The following CYP3A7 variants were observed in gnomAD, a reference collection of about 807,000 sequenced individuals.
CYP3A7 encodes the protein cytochrome P450 3A7.
Under a neutral mutation model 55.2 loss-of-function variants are expected in CYP3A7, and 45 were observed. The observed-to-expected ratio is 0.82, with a 90% CI of 0.64 to 1.05. CYP3A7 has a LOEUF of 1.05. Ranked by LOEUF, CYP3A7 falls within the 50% of genes least tolerant of loss-of-function variation. The probability of loss-of-function intolerance (pLI) is 0.00; values close to 1 mark genes in which losing one functional copy is unlikely to be tolerated. For missense variants in CYP3A7, 548 were observed against 605.3 expected (o/e 0.91, Z 0.99); for synonymous variants, 180 against 207.4 (o/e 0.87, Z 1.13).
In CYP3A7 at chr7:99,707,910, T is replaced by C. The variant is rs1211530514; in HGVS notation, c.1318A>G (p.Arg440Gly). 5.6e-6 allele frequency: 9 copies of C among 1,613,962 alleles called. No individual in the cohort carries two copies. Among genetic ancestry groups the C allele is most frequent in the Non-Finnish European group, 7.6e-6 (9 of 1,179,938 alleles). The change falls in exon 12 of 13, where the codon AGA becomes GGA. Residue 440 changes from arginine (R) to glycine (G), a missense_variant. Transcript: ENST00000336374. Reference protein sequence around the residue: ...YIYTPFGSGPRNCIGMRFALV... With the variant: ...YIYTPFGSGPGNCIGMRFALV... ...GCAAACCTCATGCCAATGCAGTTTC[T>C]GGGTCCACTTCCAAAGGGTGTGTAT...
chr7:99,714,242 T>C (rs1813853759), intron 8 of CYP3A7, among the ~76,000 whole-genome samples: 1 of 152,198 alleles, frequency 6.6e-6, no homozygotes, highest in Non-Finnish European at 1.5e-5. Context: ...CAAACAGTAA[T>C]GTTTATCCTT....
chr7:99,734,097 A>T (rs377401032), intron 1 of CYP3A7, among the ~76,000 whole-genome samples: 2 of 152,236 alleles, frequency 1.3e-5, no homozygotes, highest in East Asian at 3.8e-4. Context: ...TTTAAAAAGG[A>T]TGAATTTAAG....
intron 10 of CYP3A7, 94 bp downstream of exon 10, chr7:99,710,638 A>G: frequency 6.3e-7 from 1 of 1,596,320 alleles, no homozygotes; most frequent in Non-Finnish European, 8.5e-7. Context: ...AATCATGATT[A>G]TGCTTTTTAT....
At position 99,725,969 on chromosome 7, in the gene CYP3A7, G is replaced by T. The variant is rs570875943; in HGVS notation, c.166-3621C>A. On this transcript the variant is annotated intron_variant, in intron 2 of 12. Transcript: ENST00000336374. The stretch of plus-strand genomic sequence containing the variant: ...AACTCCCCAACTTTGGTGCCAAATT[G>T]GGCAACATTCTTTTATGCACTCCTT... 5.3e-5 allele frequency among the ~76,000 whole-genome samples: 8 copies of T among 152,104 alleles called. No individual in the cohort carries two copies. The South Asian group carries it at 1.7e-3, about 32-fold the overall frequency.
intron 9 of CYP3A7, among the ~76,000 whole-genome samples, chr7:99,711,126 C>T (rs1408007385): frequency 2.6e-5 from 4 of 152,186 alleles, no homozygotes; most frequent in Non-Finnish European, 4.4e-5. Flanking sequence ...ACCATCCGCT[C>T]CTCCTCGTGC....
intron 9 of CYP3A7, among the ~76,000 whole-genome samples, chr7:99,711,339 T>C (rs1175972962): frequency 1.3e-5 from 2 of 152,244 alleles, no homozygotes; most frequent in Non-Finnish European, 2.9e-5. Context: ...GCAACATTAA[T>C]GGCTAGATGT....
intron 1 of CYP3A7, among the ~76,000 whole-genome samples, chr7:99,734,428 T>C (rs1222303698): frequency 1.3e-5 from 2 of 152,148 alleles, no homozygotes; most frequent in Non-Finnish European, 2.9e-5. Flanking sequence ...TTTGGTAAGC[T>C]GGGTACAAAC....
At chr7:99,730,557 T>C (rs1210631247) in intron 2 of CYP3A7, 1 of 155,670 alleles carries the variant, frequency 6.4e-6, no homozygotes, top group Non-Finnish European at 1.4e-5. Flanking sequence ...CAGGTGCAAA[T>C]GACCCAATGG....
intron 6 of CYP3A7, among the ~76,000 whole-genome samples, chr7:99,716,767 A>G (rs1357736392): frequency 6.6e-6 from 1 of 152,192 alleles, no homozygotes; most frequent in African/African-American, 2.4e-5. Context: ...TGAAATGATC[A>G]AAGTTATTCT....
chr7:99,720,572 A>G, intron 3 of CYP3A7, 160 bp from the exon 4 acceptor site: 1 of 746,122 alleles, frequency 1.3e-6, no homozygotes, highest in Non-Finnish European at 2.2e-6. Flanking sequence ...ACTCACAGCA[A>G]GAGTCTGACA....
At chr7:99,709,961 T>A (rs1177024873) in intron 10 of CYP3A7, among the ~76,000 whole-genome samples, 1 of 152,182 alleles carries the variant, frequency 6.6e-6, no homozygotes, top group Non-Finnish European at 1.5e-5. Context: ...TCAGAGCATG[T>A]GATTTCAGTG....
Position 99,731,130 on chromosome 7 carries a change from G to T in CYP3A7, c.94C>A (p.Leu32Ile). Residue 32 changes from leucine to isoleucine, a missense_variant, in exon 2 of 13, where the codon CTT (leucine) becomes ATT (isoleucine). By Grantham distance (5) the Leu-to-Ile change is conservative. Coordinates refer to ENST00000336374, the MANE Select transcript of CYP3A7 (RefSeq NM_000765.5). Reference protein sequence around the residue: ...LYLYGTRTHGLFKKLGIPGPT... With the variant: ...LYLYGTRTHGIFKKLGIPGPT... Reference sequence around the variant, plus strand: ...CCTGGAATTCCAAGCTTCTTAAAAAGTCCATGTGTACGGGTTCCATATCTA... The same window carrying T: ...CCTGGAATTCCAAGCTTCTTAAAAATTCCATGTGTACGGGTTCCATATCTA... 1 of 1,613,872 alleles carries T rather than the reference G, an allele frequency of 6.2e-7. No individual in the cohort carries two copies. The highest frequency in any genetic ancestry group is 1.1e-5 in the South Asian group (1 of 91,066).
At chr7:99,708,041 G>A (rs2151500468) in intron 11 of CYP3A7, 67 bp from the exon 12 acceptor site, 1 of 1,610,692 alleles carries the variant, frequency 6.2e-7, no homozygotes, top group Non-Finnish European at 8.5e-7. Context: ...ACATGTTAGG[G>A]TTTCTTACTT....
intron 2 of CYP3A7, among the ~76,000 whole-genome samples, chr7:99,729,481 T>C (rs1814541285): frequency 6.6e-6 from 1 of 152,158 alleles, no homozygotes; most frequent in South Asian, 2.1e-4. Flanking sequence ...TTTTGTTTTA[T>C]TTTTCTTAAT....
At chr7:99,713,252 G>A (rs184603800) in intron 9 of CYP3A7, among the ~76,000 whole-genome samples, 83 of 152,296 alleles carry the variant, frequency 5.4e-4, no homozygotes, top group Middle Eastern at 3.4e-3. Flanking sequence ...TGGCATGCCA[G>A]TTTTCCTTAG....
intron 11 of CYP3A7, 73 bp downstream of exon 11, chr7:99,708,962 T>C: frequency 6.6e-7 from 1 of 1,517,476 alleles, no homozygotes; most frequent in Non-Finnish European, 9.2e-7. Flanking sequence ...AAGCCCAGAC[T>C]GTCCTGTAGA....
chr7:99,706,697 T>C (rs1433065033), intron 12 of CYP3A7, among the ~76,000 whole-genome samples: 1 of 152,248 alleles, frequency 6.6e-6, no homozygotes, highest in Non-Finnish European at 1.5e-5. Context: ...CAGACAGACA[T>C]GCATGTGCAC....
intron 2 of CYP3A7, among the ~76,000 whole-genome samples, chr7:99,722,651 A>G (rs1416273760): frequency 6.6e-6 from 1 of 152,174 alleles, no homozygotes; most frequent in Non-Finnish European, 1.5e-5. Flanking sequence ...TGTTGTCTCT[A>G]AAATCTCATA....
chr7:99,723,254 C>G (rs976220574), intron 2 of CYP3A7, among the ~76,000 whole-genome samples: 7 of 152,102 alleles, frequency 4.6e-5, no homozygotes, highest in African/African-American at 1.7e-4. Context: ...ACTGATTGAC[C>G]AACCTTACAA....
Sources: gnomAD v4.1 joint callset for allele counts (sites outside exome capture counted in the v4.1 genomes callset) on GRCh38, gnomAD v4.1.1 for gene constraint, MANE v1.5 for transcripts, NCBI Gene and HGNC (gene_info 2026-07-23, HGNC 2026-07-21) for gene names.